LAMA2: variants seen among roughly 807,000 people sequenced by gnomAD.
The protein encoded by LAMA2 is laminin subunit alpha 2.
Under a neutral mutation model 364.8 loss-of-function variants are expected in LAMA2, and 269 were observed. The ratio of observed to expected loss-of-function variants is 0.74; its 90% CI spans 0.67 to 0.82. The LOEUF is 0.82. Among genes scored for constraint, LAMA2 ranks in the 40% least tolerant of loss-of-function variants. The pLI is 0.00. For synonymous variants in LAMA2, 1,379 were observed against 1,370.6 expected (o/e 1.01, Z -0.14); for missense variants, 3,807 against 3,873.2 (o/e 0.98, Z 0.45).
At chr6:129,026,050 T>G (rs1390454670) in intron 1 of LAMA2, among the ~76,000 whole-genome samples, 1 of 152,202 alleles carries the variant, frequency 6.6e-6, no homozygotes, top group Non-Finnish European at 1.5e-5. Context: ...TTAGTTTGGA[T>G]GCTGATTTAC....
intron 3 of LAMA2, among the ~76,000 whole-genome samples, chr6:129,089,826 T>A (rs1400979433): frequency 6.6e-6 from 1 of 152,154 alleles, no homozygotes; most frequent in African/African-American, 2.4e-5. Context: ...TCATTCCAAT[T>A]TGGACTCTGC....
chr6:128,909,871 T>G (rs1183341404), intron 1 of LAMA2, among the ~76,000 whole-genome samples: 1 of 151,024 alleles, frequency 6.6e-6, no homozygotes. Flanking sequence ...GTCTGTAAAG[T>G]ATTTTATTTC....
chr6:129,264,602 T>C (rs539759065), intron 15 of LAMA2, among the ~76,000 whole-genome samples: 2 of 152,018 alleles, frequency 1.3e-5, no homozygotes, highest in Admixed American at 6.6e-5. Context: ...GAGAGAAAAA[T>C]AGCCCAGCCC....
chr6:129,287,720 C>T (rs1583421203), intron 18 of LAMA2, 127 bp from the exon 19 acceptor site: 8 of 825,104 alleles, frequency 9.7e-6, no homozygotes, highest in Non-Finnish European at 1.5e-5. Context: ...AATCACGTTG[C>T]GTTTGAGAAA....
chr6:129,334,296 T>C (rs942821832), intron 29 of LAMA2, among the ~76,000 whole-genome samples: 1 of 152,232 alleles, frequency 6.6e-6, no homozygotes, highest in Non-Finnish European at 1.5e-5. Flanking sequence ...CCCTTACTGG[T>C]AGTGTGAGCC....
intron 10 of LAMA2, among the ~76,000 whole-genome samples, chr6:129,187,745 C>T (rs1781312083): frequency 6.6e-6 from 1 of 151,760 alleles, no homozygotes; most frequent in African/African-American, 2.4e-5. Context: ...GCTGATCATT[C>T]CTAATCAGAA....
intron 1 of LAMA2, among the ~76,000 whole-genome samples, chr6:128,887,370 T>A (rs760469027): frequency 1.2e-4 from 19 of 152,150 alleles, no homozygotes; most frequent in Non-Finnish European, 2.2e-4. Flanking sequence ...TCATAACAGA[T>A]AAAATGCATG....
chr6:129,023,979 T>C (rs897281169), intron 1 of LAMA2, among the ~76,000 whole-genome samples: 3 of 152,280 alleles, frequency 2.0e-5, no homozygotes, highest in Non-Finnish European at 4.4e-5. Context: ...TGAATAGGTA[T>C]AGACTGAATG....
intron 34 of LAMA2, among the ~76,000 whole-genome samples, chr6:129,381,456 C>A (rs1288881593): frequency 6.6e-6 from 1 of 151,702 alleles, no homozygotes; most frequent in African/African-American, 2.4e-5. Context: ...TCAGAAGTAA[C>A]ATTTAAATAA....
intron 9 of LAMA2, among the ~76,000 whole-genome samples, chr6:129,166,741 TG>T (rs1455585810): frequency 6.6e-6 from 1 of 152,140 alleles, no homozygotes; most frequent in Non-Finnish European, 1.5e-5. Flanking sequence ...TACAATTCAG[TG>T]GTAATTCAGG....
At chr6:129,152,779 T>G (rs1430608713) in intron 7 of LAMA2, among the ~76,000 whole-genome samples, 1 of 152,176 alleles carries the variant, frequency 6.6e-6, no homozygotes, top group African/African-American at 2.4e-5. Flanking sequence ...ACATGGAAAC[T>G]GTGTAACTGT....
At chr6:129,471,057 G>A (rs2114819996) in intron 51 of LAMA2, among the ~76,000 whole-genome samples, 1 of 151,858 alleles carries the variant, frequency 6.6e-6, no homozygotes, top group East Asian at 1.9e-4. Context: ...TAACAACTCA[G>A]CATTGATTAT....
intron 51 of LAMA2, among the ~76,000 whole-genome samples, chr6:129,468,494 C>G (rs1454133800): frequency 6.6e-6 from 1 of 151,578 alleles, no homozygotes; most frequent in Non-Finnish European, 1.5e-5. Flanking sequence ...ATTAATTTTT[C>G]CTTATAAAAA....
intron 45 of LAMA2, among the ~76,000 whole-genome samples, chr6:129,448,285 C>T (rs895021876): frequency 1.5e-4 from 23 of 151,106 alleles, no homozygotes; most frequent in African/African-American, 5.6e-4. Context: ...CCTGTCCCCC[C>T]CCAAAAAAAA....
intron 12 of LAMA2, among the ~76,000 whole-genome samples, chr6:129,223,236 A>T (rs1250739329): frequency 6.6e-6 from 1 of 151,988 alleles, no homozygotes; most frequent in Admixed American, 6.5e-5. Flanking sequence ...TAGATTCTGG[A>T]TATTAGCCCT....
chr6:129,509,568 A>G (rs1786400207), intron 62 of LAMA2, among the ~76,000 whole-genome samples: 1 of 152,164 alleles, frequency 6.6e-6, no homozygotes, highest in East Asian at 1.9e-4. Context: ...ATTCTTCCGC[A>G]TATGAATATC....
chr6:129,177,908 AG>A lies in LAMA2; in HGVS notation c.1467+44del, dbSNP rs1472745149. ...AGTAATGTCCCACTGTCAAGACAGA[AG>A]GTTATTTTTCTTGGCTTCTCTGTTG... On this transcript the variant is annotated intron_variant, in intron 10 of 64. Coordinates refer to ENST00000421865, the MANE Select transcript of LAMA2 (RefSeq NM_000426.4). 2.5e-6 allele frequency: 4 copies of A among 1,589,606 alleles called. No homozygotes were observed. The African/African-American group carries it at 5.4e-5, about 21-fold the overall frequency.
intron 4 of LAMA2, among the ~76,000 whole-genome samples, chr6:129,119,995 A>G (rs1391126521): frequency 6.6e-6 from 1 of 152,234 alleles, no homozygotes; most frequent in East Asian, 1.9e-4. Flanking sequence ...TGACCAATTT[A>G]AGAAACTTGA....
chr6:128,919,681 T>G (rs1003538854), intron 1 of LAMA2, among the ~76,000 whole-genome samples: 1 of 152,230 alleles, frequency 6.6e-6, no homozygotes, highest in South Asian at 2.1e-4. Flanking sequence ...TTTGTTGTAC[T>G]TCAGCTAGGT....
Sources: allele counts gnomAD v4.1 joint callset (sites outside exome capture counted in the v4.1 genomes callset), GRCh38; gene constraint gnomAD v4.1.1; transcripts MANE v1.5; gene names NCBI Gene and HGNC (gene_info 2026-07-23, HGNC 2026-07-21).